Variants in CACNA2D3 observed in about 807,000 individuals in gnomAD.
CACNA2D3 encodes the protein voltage-dependent calcium channel subunit alpha-2/delta-3.
In CACNA2D3, 60 loss-of-function variants were observed where a neutral mutation model predicts 160.6. The observed-to-expected ratio is 0.37, with a 90% CI of 0.30 to 0.46. The LOEUF (loss-of-function observed/expected upper bound fraction) is 0.46, where lower values mean the gene tolerates loss of function less well. CACNA2D3 is among the 20% of genes least tolerant of loss of function. The pLI is 1.00. For synonymous variants in CACNA2D3, 558 were observed against 492.9 expected, an observed-to-expected ratio of 1.13 and a Z score of -1.75; for missense variants, 1,205 against 1,365.0, an observed-to-expected ratio of 0.88 and a Z score of 1.85.
At chr3:54,659,242 G>A (rs1034214331) in intron 11 of CACNA2D3, among the ~76,000 whole-genome samples, 28 of 152,196 alleles carry the variant, frequency 1.8e-4, no homozygotes, top group Admixed American at 1.5e-3. Flanking sequence ...TGGGCACTGC[G>A]TTTGTTTTCT....
chr3:54,435,422 T>C (rs1385529840), intron 4 of CACNA2D3, among the ~76,000 whole-genome samples: 1 of 152,146 alleles, frequency 6.6e-6, no homozygotes, highest in East Asian at 1.9e-4. Flanking sequence ...GTGATGTGAA[T>C]TGTAGCCCCA....
At chr3:54,640,627 C>A (rs934821570) in intron 10 of CACNA2D3, among the ~76,000 whole-genome samples, 74 of 152,298 alleles carry the variant, frequency 4.9e-4, no homozygotes, top group African/African-American at 1.6e-3. Flanking sequence ...CTTAGAACTT[C>A]AGCATGCCAT....
At chr3:54,744,385 T>G (rs1006463526) in intron 11 of CACNA2D3, among the ~76,000 whole-genome samples, 2 of 152,184 alleles carry the variant, frequency 1.3e-5, no homozygotes, top group African/African-American at 4.8e-5. Context: ...TGGGTTTTGG[T>G]GGAGGAAATG....
intron 27 of CACNA2D3, among the ~76,000 whole-genome samples, chr3:54,907,113 G>C (rs538073863): frequency 1.1e-4 from 16 of 152,342 alleles, no homozygotes; most frequent in African/African-American, 3.8e-4. Context: ...ATGAGCAGCA[G>C]AATTTTGGGG....
At chr3:54,410,910 C>T (rs1035035532) in intron 4 of CACNA2D3, among the ~76,000 whole-genome samples, 1 of 152,146 alleles carries the variant, frequency 6.6e-6, no homozygotes, top group Non-Finnish European at 1.5e-5. Flanking sequence ...CTAGATGCCA[C>T]TAAGAATACT....
Position 54,934,368 on chromosome 3 carries a change from C to G in CACNA2D3, c.2450-34082C>G, listed in dbSNP as rs571049416. On this transcript the variant is annotated intron_variant, in intron 27 of 37. Transcript: ENST00000474759. ...GAGAACCAAGGCTGCCATACGTTTT[C>G]TCTAGTAAGAAAGTGGGGAGGTTGT... 2.6e-5 allele frequency among the ~76,000 whole-genome samples: 4 copies of G among 151,942 alleles called. No individual in the cohort carries two copies. The East Asian group carries it at 7.8e-4, about 30-fold the overall frequency.
chr3:54,752,073 C>T (rs1483785869), intron 11 of CACNA2D3, among the ~76,000 whole-genome samples: 1 of 151,966 alleles, frequency 6.6e-6, no homozygotes, highest in African/African-American at 2.4e-5. Flanking sequence ...CCATAGATCT[C>T]CTGGCCACAG....
Position 55,018,226 on chromosome 3 carries a change from C to T in CACNA2D3, c.2896C>T (p.Leu966=), listed in dbSNP as rs1217046062. Residue 966 remains leucine, a synonymous_variant, in exon 35 of 38, where the codon CTG becomes TTG. Coordinates refer to ENST00000474759, the MANE Select transcript of CACNA2D3 (RefSeq NM_018398.3). ...TACAGCCCAGAAATTGAAACAGACC[C>T]TGGAGCCTTGTGATACTGAATATCC... The part of the protein sequence containing the change: ...TAKAQKLKQT[L]EPCDTEYPAF... 1 of 1,612,406 alleles carries T rather than the reference C, an allele frequency of 6.2e-7. No homozygotes were observed. Among genetic ancestry groups the T allele is most frequent in the Non-Finnish European group, 8.5e-7 (1 of 1,178,780 alleles).
chr3:54,284,236 G>A (rs1207680044), intron 2 of CACNA2D3, among the ~76,000 whole-genome samples: 1 of 151,588 alleles, frequency 6.6e-6, no homozygotes, highest in Non-Finnish European at 1.5e-5. Flanking sequence ...CCTGCAAATT[G>A]TGCACATGCA....
At chr3:54,763,157 C>T (rs960974796) in intron 12 of CACNA2D3, among the ~76,000 whole-genome samples, 2 of 151,302 alleles carry the variant, frequency 1.3e-5, no homozygotes, top group African/African-American at 4.9e-5. Context: ...CACTGGGGAC[C>T]ACATCATGAT....
rs144739437 is a variant in CACNA2D3 at position 54,901,009 on chromosome 3, A to G, written c.2449+1141A>G. 3.3e-5 allele frequency: 5 copies of G among 152,310 alleles called. No homozygotes were observed. In the East Asian group the frequency reaches 9.7e-4, roughly 29 times the overall value. 9.4% of individuals were successfully genotyped at this position (152,310 alleles called of 1,614,324 possible). A position where few individuals can be genotyped will look rare whatever the true frequency, so the allele number is the denominator to read the frequency against. On this transcript the variant is annotated intron_variant, in intron 27 of 37. Coordinates refer to ENST00000474759, the MANE Select transcript of CACNA2D3 (RefSeq NM_018398.3). ...CTTGAACTAAGCAGACCTATTCTTA[A>G]TCAGCCAGGAGATATGGGCTCTGAG...
chr3:54,301,838 T>C (rs1703483635), intron 2 of CACNA2D3, among the ~76,000 whole-genome samples: 1 of 152,190 alleles, frequency 6.6e-6, no homozygotes, highest in South Asian at 2.1e-4. Context: ...GATTTACCGA[T>C]GTTTGGAAAA....
intron 4 of CACNA2D3, among the ~76,000 whole-genome samples, chr3:54,448,767 G>C (rs1700260533): frequency 2.0e-5 from 3 of 152,142 alleles, no homozygotes; most frequent in Non-Finnish European, 2.9e-5. Context: ...CCAGAACTCT[G>C]GTCTTTGTGA....
chr3:54,456,421 G>C (rs188405617), intron 4 of CACNA2D3, among the ~76,000 whole-genome samples: 1 of 151,920 alleles, frequency 6.6e-6, no homozygotes, highest in Admixed American at 6.6e-5. Context: ...TTTGTATCCT[G>C]CAACTTTACC....
At chr3:54,122,958 T>G in intron 1 of CACNA2D3, 123 bp downstream of exon 1, 1 of 916,746 alleles carries the variant, frequency 1.1e-6, no homozygotes, top group Non-Finnish European at 1.4e-6. Context: ...GCCTCGCCGC[T>G]CGCACCTGCC....
At chr3:54,546,203 A>G (rs2106674469) in intron 5 of CACNA2D3, among the ~76,000 whole-genome samples, 1 of 152,350 alleles carries the variant, frequency 6.6e-6, no homozygotes, top group East Asian at 1.9e-4. Flanking sequence ...GCCCTGCAGG[A>G]TGCAGAAAAG....
intron 20 of CACNA2D3, 103 bp downstream of exon 20, chr3:54,879,514 C>T: frequency 1.2e-6 from 1 of 848,474 alleles, no homozygotes; most frequent in Admixed American, 2.7e-5. Flanking sequence ...GATAACCAAA[C>T]ACCCTGCCAA....
chr3:54,848,375 A>G (rs1010943371), intron 17 of CACNA2D3, among the ~76,000 whole-genome samples: 23 of 151,456 alleles, frequency 1.5e-4, no homozygotes, highest in African/African-American at 5.4e-4. Flanking sequence ...GCTAGGGTCA[A>G]AAGTGGTGGT....
chr3:54,576,576 C>T lies in CACNA2D3; in HGVS notation c.889-5227C>T, dbSNP rs1261507983. ...GATGATGTGTCCCTTGCCTTCAGGG[C>T]GGAGAGTTTGGAGGTTGGTTGAATG... On this transcript the variant is annotated intron_variant, in intron 8 of 37. Transcript: ENST00000474759. Among the ~76,000 whole-genome samples the T allele has an allele frequency of 3.3e-5, 5 of 152,106 alleles. No homozygotes were observed. In the East Asian group the frequency reaches 5.8e-4, roughly 18 times the overall value.
Sources: gnomAD v4.1 joint callset for allele counts (sites outside exome capture counted in the v4.1 genomes callset) on GRCh38, gnomAD v4.1.1 for gene constraint, MANE v1.5 for transcripts, NCBI Gene and HGNC (gene_info 2026-07-23, HGNC 2026-07-21) for gene names.